Variants in TTLL3 observed in about 807,000 individuals in gnomAD.
TTLL3 encodes tubulin tyrosine ligase like 3.
TTLL3 carries 63 observed loss-of-function variants against 75.2 expected under a neutral mutation model. The observed-to-expected ratio is 0.84, with a 90% CI of 0.68 to 1.03. The LOEUF (loss-of-function observed/expected upper bound fraction) is 1.03, where lower values mean the gene tolerates loss of function less well. TTLL3 is among the 50% of genes least tolerant of loss of function. The probability of loss-of-function intolerance (pLI) is 0.00; values close to 1 mark genes in which losing one functional copy is unlikely to be tolerated. For synonymous variants in TTLL3, 393 were observed against 418.5 expected, an observed-to-expected ratio of 0.94 and a Z score of 0.74; for missense variants, 997 against 1,069.9, an observed-to-expected ratio of 0.93 and a Z score of 0.95.
Position 9,810,741 on chromosome 3 carries a change from G to T in TTLL3, c.48+32G>T. On this transcript the variant is annotated intron_variant, in intron 2 of 13. Transcript: ENST00000685419. The surrounding 1 kb of genome is among the most constrained non-coding windows in gnomAD (Gnocchi z 4.4). ...GGAGGGGCAGGGGCGCTTAGAAAGG[G>T]CCCTGGGAGCGGCTCAGCCTGTCTC... 1 of 1,560,282 alleles carries T rather than the reference G, an allele frequency of 6.4e-7. No homozygotes were observed. Among genetic ancestry groups the T allele is most frequent in the Non-Finnish European group, 8.7e-7 (1 of 1,150,794 alleles).
At chr3:9,827,634 A>ATACG in intron 10 of TTLL3, 2 of 238,284 alleles carry the variant, frequency 8.4e-6, no homozygotes, top group Non-Finnish European at 1.7e-5. Context: ...CCTGGGCTCA[A>ATACG]GCGATCATCC....
At chr3:9,825,203 C>T (rs2080907125) in intron 8 of TTLL3, among the ~76,000 whole-genome samples, 1 of 152,016 alleles carries the variant, frequency 6.6e-6, no homozygotes, top group Non-Finnish European at 1.5e-5. Flanking sequence ...TAAAAATTAG[C>T]TTGGGTGTGG....
chr3:9,823,334 A>C (rs2080677402), intron 8 of TTLL3, among the ~76,000 whole-genome samples: 1 of 151,592 alleles, frequency 6.6e-6, no homozygotes, highest in Admixed American at 6.6e-5. Flanking sequence ...CAGTGAGCCG[A>C]GATCGCGCCA....
In TTLL3 at chr3:9,818,807, C is replaced by G. The variant is rs1232128811; in HGVS notation, c.560-15C>G. The G allele has an allele frequency of 6.2e-7, 1 of 1,613,908 alleles. No individual in the cohort carries two copies. The highest frequency in any genetic ancestry group is 8.5e-7 in the Non-Finnish European group (1 of 1,180,018). On this transcript the variant is annotated splice_polypyrimidine_tract_variant and intron_variant, in intron 6 of 13. Coordinates refer to ENST00000685419, the MANE Select transcript of TTLL3 (RefSeq NM_001387446.1). Reference sequence around the variant, plus strand: ...GCCTAGGGGCTGAGCAGGGTATCCCCTGGCCTGGGAGCAGAGGACTTCTGG... The same window carrying G: ...GCCTAGGGGCTGAGCAGGGTATCCCGTGGCCTGGGAGCAGAGGACTTCTGG...
chr3:9,810,163 C>T (rs1338630908), upstream of TTLL3: 3 of 1,471,938 alleles, frequency 2.0e-6, no homozygotes, highest in Non-Finnish European at 2.7e-6. The surrounding 1 kb of genome is among the most constrained non-coding windows in gnomAD (Gnocchi z 4.4). Context: ...CCCCTCGGCG[C>T]GCCGCTCCGA....
chr3:9,814,985 C>T (rs1162447468), intron 4 of TTLL3, among the ~76,000 whole-genome samples: 2 of 151,966 alleles, frequency 1.3e-5, no homozygotes, highest in Non-Finnish European at 2.9e-5. Context: ...TGCCTGTAAT[C>T]GCAGCACTTT....
chr3:9,813,449 C>T, intron 4 of TTLL3, 104 bp downstream of exon 4: 3 of 1,292,258 alleles, frequency 2.3e-6, no homozygotes, highest in Non-Finnish European at 3.3e-6. Context: ...TTCTCTGGGC[C>T]ACAGTTTCCC....
chr3:9,820,839 G>A (rs539810114), intron 8 of TTLL3, 98 bp downstream of exon 8: 423 of 1,503,114 alleles, frequency 2.8e-4, no homozygotes, highest in Non-Finnish European at 2.8e-4. Flanking sequence ...CAAGCCTCCC[G>A]CTCGTTTACC....
Position 9,819,861 on chromosome 3 carries a change from C to T in TTLL3, c.659-685C>T, listed in dbSNP as rs141875415. ...GCCAGGATAAGGGGCACAAGGGCCT[C>T]GGGTGTGGCCAGAGACCCCATGCTT... On this transcript the variant is annotated intron_variant, in intron 7 of 13. Coordinates refer to ENST00000685419, the MANE Select transcript of TTLL3 (RefSeq NM_001387446.1). The T allele has an allele frequency of 2.2e-5, 22 of 985,534 alleles. No individual in the cohort carries two copies. In the East Asian group the frequency reaches 7.9e-4, roughly 36 times the overall value. The allele number at this position is 985,534 out of a possible 1,614,324, so 61.0% of individuals were successfully genotyped here. A position where few individuals can be genotyped will look rare whatever the true frequency, so the allele number is the denominator to read the frequency against.
intron 8 of TTLL3, among the ~76,000 whole-genome samples, chr3:9,821,606 C>T (rs942466099): frequency 2.6e-5 from 4 of 152,184 alleles, no homozygotes; most frequent in East Asian, 3.8e-4. Context: ...ATCATTAGCA[C>T]GTAATTCACT....
chr3:9,833,462 C>T (rs915132938), intron 12 of TTLL3, among the ~76,000 whole-genome samples: 33 of 152,228 alleles, frequency 2.2e-4, no homozygotes, highest in African/African-American at 8.0e-4. Context: ...TTCACCATGA[C>T]CTTTTCTAGT....
At chr3:9,821,659 A>G (rs1300392657) in intron 8 of TTLL3, among the ~76,000 whole-genome samples, 4 of 152,244 alleles carry the variant, frequency 2.6e-5, no homozygotes, top group Non-Finnish European at 5.9e-5. Context: ...GTGGCCCGGT[A>G]CTTTCTCTTT....
At chr3:9,810,046 G>A, upstream of TTLL3, 1 of 1,295,738 alleles carries the variant, frequency 7.7e-7, no homozygotes, top group African/African-American at 1.9e-5. The surrounding 1 kb of genome is among the most constrained non-coding windows in gnomAD (Gnocchi z 4.4). Context: ...GAGCGCGAGG[G>A]AGCTGGGGCC....
At chr3:9,817,859 C>T (rs1342342055) in intron 6 of TTLL3, 100 bp downstream of exon 6, 2 of 1,457,854 alleles carry the variant, frequency 1.4e-6, no homozygotes, top group Admixed American at 2.0e-5. Flanking sequence ...TTCATGCCCT[C>T]ATCTGCCTGC....
At chr3:9,822,943 A>C (rs1312714195) in intron 8 of TTLL3, among the ~76,000 whole-genome samples, 1 of 149,766 alleles carries the variant, frequency 6.7e-6, no homozygotes, top group Non-Finnish European at 1.5e-5. Flanking sequence ...ATGCTTCTCA[A>C]CTTTTTAAAA....
chr3:9,810,010 C>T, upstream of TTLL3: 1 of 461,858 alleles, frequency 2.2e-6, no homozygotes, highest in Admixed American at 1.8e-4. The surrounding 1 kb of genome is among the most constrained non-coding windows in gnomAD (Gnocchi z 4.4). Context: ...GGGGCGCATG[C>T]AGGGCCCCGA....
At position 9,820,900 on chromosome 3, in the gene TTLL3, G is replaced by A. The variant is rs1488487127; in HGVS notation, c.854+159G>A. On this transcript the variant is annotated intron_variant, in intron 8 of 13. Transcript: ENST00000685419. ...AGGACTCCCACTGCCTCCGTGATAGGGTCTGGGCCACTTTTCTTGGTTCTT... is the reference window on the plus strand; with the variant it reads ...AGGACTCCCACTGCCTCCGTGATAGAGTCTGGGCCACTTTTCTTGGTTCTT... The A allele has an allele frequency of 1.3e-5, 16 of 1,269,710 alleles. No individual in the cohort carries two copies. The South Asian group carries it at 2.6e-4, about 21-fold the overall frequency. The allele number at this position is 1,269,710 out of a possible 1,614,324, so 78.7% of individuals were successfully genotyped here.
At chr3:9,824,105 G>A (rs949595255) in intron 8 of TTLL3, among the ~76,000 whole-genome samples, 1 of 152,228 alleles carries the variant, frequency 6.6e-6, no homozygotes, top group Non-Finnish European at 1.5e-5. Context: ...TACAGAAAAT[G>A]TTCCTGCTCT....
chr3:9,835,501 G>T lies in TTLL3; in HGVS notation c.*12G>T. 6.4e-7 allele frequency: 1 copy of T among 1,566,840 alleles called. No individual in the cohort carries two copies. The highest frequency in any genetic ancestry group is 8.6e-7 in the Non-Finnish European group (1 of 1,159,264). On this transcript the variant is annotated 3_prime_UTR_variant, in exon 14 of 14. Coordinates refer to ENST00000685419, the MANE Select transcript of TTLL3 (RefSeq NM_001387446.1). The stretch of plus-strand genomic sequence containing the variant: ...CAGCAAGAGCCTGAGGCCATCAGCA[G>T]CTCCTCCGTGCAGCGAGGCCCAGAA...
Sources: gnomAD v4.1 joint callset for allele counts (sites outside exome capture counted in the v4.1 genomes callset) on GRCh38, gnomAD v4.1.1 for gene constraint, Gnocchi (gnomAD v3.1) non-coding constraint, MANE v1.5 for transcripts, NCBI Gene and HGNC (gene_info 2026-07-23, HGNC 2026-07-21) for gene names.